The following PHKB variants were observed in gnomAD, a reference collection of about 807,000 sequenced individuals.
The protein encoded by PHKB is phosphorylase b kinase regulatory subunit beta.
In PHKB, 122 loss-of-function variants were observed where a neutral mutation model predicts 152.1. That is an observed-to-expected ratio of 0.80 (90% CI 0.69 to 0.93). The LOEUF (loss-of-function observed/expected upper bound fraction) is 0.93, where lower values mean the gene tolerates loss of function less well. Ranked by LOEUF, PHKB falls within the 40% of genes least tolerant of loss-of-function variation. The probability of loss-of-function intolerance (pLI) is 0.00; values close to 1 mark genes in which losing one functional copy is unlikely to be tolerated. For missense variants in PHKB, 1,304 were observed against 1,328.4 expected (o/e 0.98, Z 0.29); for synonymous variants, 436 against 464.9 (o/e 0.94, Z 0.80).
At chr16:47,509,457 A>G (rs1375667443) in intron 4 of PHKB, among the ~76,000 whole-genome samples, 1 of 152,082 alleles carries the variant, frequency 6.6e-6, no homozygotes, top group Non-Finnish European at 1.5e-5. Flanking sequence ...GCACTTGGAG[A>G]TGGTAAAGAT....
rs1970452062 is a variant in PHKB at position 47,508,137 on chromosome 16, GAT to G, written c.406-3525_406-3524del. ...TTTTCTAAAAATACTAGCTAAAAGA[GAT>G]ATTTTAAATTGATTATGAATTTGAG... is the stretch of plus-strand genomic sequence containing the variant. On this transcript the variant is annotated intron_variant, in intron 4 of 30. Transcript: ENST00000323584. Among the ~76,000 whole-genome samples, 3 of 152,182 alleles carry G rather than the reference GAT, an allele frequency of 2.0e-5. No individual in the cohort carries two copies. The South Asian group carries it at 6.2e-4, about 32-fold the overall frequency.
At chr16:47,493,486 G>T in intron 1 of PHKB, among the ~76,000 whole-genome samples, 1 of 152,138 alleles carries the variant, frequency 6.6e-6, no homozygotes, top group East Asian at 1.9e-4. Flanking sequence ...TATTTCGACC[G>T]TTGTAATTTG....
chr16:47,525,619 T>C (rs556254040), intron 6 of PHKB, among the ~76,000 whole-genome samples: 1 of 152,354 alleles, frequency 6.6e-6, no homozygotes, highest in East Asian at 1.9e-4. Flanking sequence ...AATCCATTAA[T>C]CTGCCCCACC....
Position 47,580,351 on chromosome 16 carries a change from G to A in PHKB, c.767G>A (p.Gly256Asp). ...GCAATTAATGGATTCAACCTTTTTGGCAACCAGGTAAAAAATAAGACCCCC... is the reference window on the plus strand; with the variant it reads ...GCAATTAATGGATTCAACCTTTTTGACAACCAGGTAAAAAATAAGACCCCC... ...LEAINGFNLF[G>D]NQGCSWSVIF... Residue 256 changes from glycine (G) to aspartate (D), a missense_variant, in exon 8 of 31, where the codon GGC becomes GAC. Transcript: ENST00000323584. 1.9e-6 allele frequency: 3 copies of A among 1,609,468 alleles called. No individual in the cohort carries two copies. Among genetic ancestry groups the A allele is most frequent in the Non-Finnish European group, 2.6e-6 (3 of 1,176,224 alleles).
intron 14 of PHKB, among the ~76,000 whole-genome samples, chr16:47,618,607 T>C (rs1972562958): frequency 6.6e-6 from 1 of 152,232 alleles, no homozygotes; most frequent in Non-Finnish European, 1.5e-5. Flanking sequence ...GAGAAAGTCA[T>C]ATTTGAAAGA....
At chr16:47,524,833 G>A (rs560364327) in intron 6 of PHKB, among the ~76,000 whole-genome samples, 17 of 152,218 alleles carry the variant, frequency 1.1e-4, no homozygotes, top group African/African-American at 3.1e-4. Flanking sequence ...CAGTATCCCC[G>A]TGTTGCCTGA....
At chr16:47,506,941 TGTGGCACG>T (rs1970430541) in intron 4 of PHKB, among the ~76,000 whole-genome samples, 1 of 152,210 alleles carries the variant, frequency 6.6e-6, no homozygotes, top group Non-Finnish European at 1.5e-5. Flanking sequence ...GTTTTTTCCT[TGTGGCACG>T]GTTAGCCAGT....
intron 30 of PHKB, 87 bp from the exon 31 acceptor site, chr16:47,699,142 T>A (rs1288070733): frequency 8.1e-7 from 1 of 1,236,430 alleles, no homozygotes; most frequent in South Asian, 1.2e-5. Flanking sequence ...TGTGAATTTA[T>A]TTTTCCCCCT....
chr16:47,574,734 A>G (rs182861916), intron 7 of PHKB, among the ~76,000 whole-genome samples: 1 of 152,260 alleles, frequency 6.6e-6, no homozygotes. Flanking sequence ...ACTCAATCCC[A>G]TGGGAATGAC....
intron 1 of PHKB, among the ~76,000 whole-genome samples, chr16:47,479,640 G>A (rs1969930618): frequency 6.6e-6 from 1 of 152,112 alleles, no homozygotes; most frequent in African/African-American, 2.4e-5. Context: ...TCTATCTACA[G>A]CATCATATTT....
chr16:47,601,480 C>T (rs986851011), intron 13 of PHKB, among the ~76,000 whole-genome samples: 9 of 152,056 alleles, frequency 5.9e-5, no homozygotes, highest in Middle Eastern at 3.4e-3. Flanking sequence ...CCGAGGCAGG[C>T]GGATCATGAG....
At chr16:47,507,104 G>T (rs1326961575) in intron 4 of PHKB, among the ~76,000 whole-genome samples, 1 of 152,086 alleles carries the variant, frequency 6.6e-6, no homozygotes, top group African/African-American at 2.4e-5. Flanking sequence ...CTCCCAAGTA[G>T]CTGGGGCTAC....
intron 6 of PHKB, among the ~76,000 whole-genome samples, chr16:47,516,103 A>T (rs1240261425): frequency 2.6e-5 from 4 of 151,738 alleles, no homozygotes; most frequent in African/African-American, 9.7e-5. Context: ...AATTTTTTGT[A>T]TTTTAGTAGA....
At chr16:47,682,882 CA>C in intron 26 of PHKB, among the ~76,000 whole-genome samples, 1 of 152,224 alleles carries the variant, frequency 6.6e-6, no homozygotes, top group Admixed American at 6.5e-5. Context: ...TTTTTTTCCC[CA>C]TCTTTGTGGT....
intron 9 of PHKB, among the ~76,000 whole-genome samples, chr16:47,588,315 A>T (rs1375480083): frequency 6.6e-6 from 1 of 151,372 alleles, no homozygotes; most frequent in Non-Finnish European, 1.5e-5. Flanking sequence ...AAAAAAAAAA[A>T]AGCTCCCCAA....
chr16:47,606,326 C>T (rs927000961), intron 13 of PHKB, among the ~76,000 whole-genome samples: 3 of 152,152 alleles, frequency 2.0e-5, no homozygotes, highest in Admixed American at 2.0e-4. Flanking sequence ...GTTCCTTGCT[C>T]TGTCATATTC....
At chr16:47,469,569 A>G (rs527999119) in intron 1 of PHKB, among the ~76,000 whole-genome samples, 18 of 151,870 alleles carry the variant, frequency 1.2e-4, no homozygotes, top group Admixed American at 7.2e-4. Flanking sequence ...GGACATAAAC[A>G]TGGCAACAGT....
intron 7 of PHKB, among the ~76,000 whole-genome samples, chr16:47,549,450 G>A (rs1184395327): frequency 3.3e-5 from 5 of 152,152 alleles, no homozygotes; most frequent in Non-Finnish European, 7.4e-5. Context: ...AACACTTTGG[G>A]AGGCCGAGGC....
intron 26 of PHKB, among the ~76,000 whole-genome samples, chr16:47,681,838 G>T (rs918512792): frequency 6.6e-6 from 1 of 152,098 alleles, no homozygotes; most frequent in Non-Finnish European, 1.5e-5. Flanking sequence ...TATTTTGCTC[G>T]TTAGTTGATG....
Sources: allele counts gnomAD v4.1 joint callset (sites outside exome capture counted in the v4.1 genomes callset), GRCh38; gene constraint gnomAD v4.1.1; transcripts MANE v1.5; gene names NCBI Gene and HGNC (gene_info 2026-07-23, HGNC 2026-07-21).